The following SCARB1 variants were observed in gnomAD, a reference collection of about 807,000 sequenced individuals.
SCARB1 encodes scavenger receptor class B member 1.
In SCARB1, 30 loss-of-function variants were observed where a neutral mutation model predicts 57.2. The observed-to-expected ratio is 0.52, with a 90% CI of 0.39 to 0.71. The LOEUF (loss-of-function observed/expected upper bound fraction) is 0.71. SCARB1 is among the 30% of genes least tolerant of loss of function. The pLI is 0.00. For missense variants in SCARB1, 543 were observed against 671.2 expected, an observed-to-expected ratio of 0.81 and a Z score of 2.11; for synonymous variants, 249 against 268.3, an observed-to-expected ratio of 0.93 and a Z score of 0.70.
chr12:124,797,079 T>C (rs898497772), intron 8 of SCARB1, among the ~76,000 whole-genome samples: 1 of 152,168 alleles, frequency 6.6e-6, no homozygotes, highest in African/African-American at 2.4e-5. Flanking sequence ...CAAAACACCA[T>C]GGGCACTGAA....
Position 124,815,017 on chromosome 12 carries a change from C to A in SCARB1, c.382G>T (p.Gly128Cys). 1 of 1,614,186 alleles carries A rather than the reference C, an allele frequency of 6.2e-7. No homozygotes were observed. The highest frequency in any genetic ancestry group is 8.5e-7 in the Non-Finnish European group (1 of 1,180,044). Residue 128 changes from glycine (G) to cysteine (C), a missense_variant, in exon 3 of 13, where the codon GGC becomes TGC. Physicochemically the swap from Gly to Cys is radical, Grantham distance 159. Coordinates refer to ENST00000261693, the MANE Select transcript of SCARB1 (RefSeq NM_005505.5). ...TFQFQPSKSH[G>C]SESDYIVMPN... Reference sequence around the variant, plus strand: ...ATGACGATGTAGTCGCTCTCCGAGCCGTGGGACTTGGAGGGCTGGAACTGG... The same window carrying A: ...ATGACGATGTAGTCGCTCTCCGAGCAGTGGGACTTGGAGGGCTGGAACTGG...
chr12:124,786,293 C>T (rs973192286), intron 11 of SCARB1, 64 bp downstream of exon 11: 4 of 1,605,882 alleles, frequency 2.5e-6, no homozygotes, highest in Admixed American at 3.3e-5. Flanking sequence ...CGATCTGAGG[C>T]CCCTTTCCCC....
chr12:124,801,358 C>T (rs531674053), intron 7 of SCARB1, among the ~76,000 whole-genome samples: 12 of 152,238 alleles, frequency 7.9e-5, no homozygotes, highest in Non-Finnish European at 1.5e-5. Context: ...TGTTCTGGAA[C>T]GAGATACAAG....
Position 124,814,481 on chromosome 12 carries a change from A to C in SCARB1, c.427-76T>G. On this transcript the variant is annotated intron_variant, in intron 3 of 12. Coordinates refer to ENST00000261693, the MANE Select transcript of SCARB1 (RefSeq NM_005505.5). The surrounding 1 kb of genome is among the most constrained non-coding windows in gnomAD (Gnocchi z 4.7). ...CCTCCCTTGGCCCCAGCTGGGCCTC[A>C]CAGCAAAGAGCCCATGAAGGGAAAT... 2 of 1,467,044 alleles carry C rather than the reference A, an allele frequency of 1.4e-6. No homozygotes were observed. Among genetic ancestry groups the C allele is most frequent in the Non-Finnish European group, 1.9e-6 (2 of 1,050,802 alleles). 90.9% of individuals were successfully genotyped at this position (1,467,044 alleles called of 1,614,324 possible).
intron 1 of SCARB1, among the ~76,000 whole-genome samples, chr12:124,857,431 C>G (rs1952686394): frequency 6.6e-6 from 1 of 152,322 alleles, no homozygotes; most frequent in East Asian, 1.9e-4. Flanking sequence ...CCGGTGACAT[C>G]CCTGGCTGGC....
At chr12:124,830,065 A>G (rs1951326816) in intron 1 of SCARB1, among the ~76,000 whole-genome samples, 1 of 152,198 alleles carries the variant, frequency 6.6e-6, no homozygotes, top group African/African-American at 2.4e-5. Flanking sequence ...AGATAGGAGA[A>G]AGGATTCCTG....
chr12:124,798,479 T>C (rs1161096380), intron 8 of SCARB1, among the ~76,000 whole-genome samples: 1 of 152,032 alleles, frequency 6.6e-6, no homozygotes, highest in African/African-American at 2.4e-5. Flanking sequence ...GGGGACACTA[T>C]GCGAAGTAAA....
intron 7 of SCARB1, among the ~76,000 whole-genome samples, chr12:124,804,458 C>T (rs1469489885): frequency 1.3e-5 from 2 of 152,222 alleles, no homozygotes; most frequent in Non-Finnish European, 1.5e-5. Flanking sequence ...TTTTTCATTA[C>T]GCAAACCAAG....
intron 12 of SCARB1, among the ~76,000 whole-genome samples, chr12:124,782,376 G>A (rs899560009): frequency 1.3e-5 from 2 of 152,210 alleles, no homozygotes; most frequent in Non-Finnish European, 2.9e-5. Context: ...GGAGTCTATT[G>A]CACAAGAGAT....
At chr12:124,818,242 A>G (rs1380938642) in intron 1 of SCARB1, among the ~76,000 whole-genome samples, 1 of 152,224 alleles carries the variant, frequency 6.6e-6, no homozygotes, top group East Asian at 1.9e-4. Flanking sequence ...AACTCAGGTA[A>G]AACGCATGCC....
At chr12:124,779,817 C>A (rs925387735) in intron 12 of SCARB1, among the ~76,000 whole-genome samples, 1 of 152,062 alleles carries the variant, frequency 6.6e-6, no homozygotes, top group Non-Finnish European at 1.5e-5. Context: ...GTAGGAAAAT[C>A]AAACTCCTGC....
intron 9 of SCARB1, among the ~76,000 whole-genome samples, chr12:124,788,148 G>T (rs1174832591): frequency 6.6e-6 from 1 of 152,136 alleles, no homozygotes; most frequent in African/African-American, 2.4e-5. Context: ...ATTGGCATGG[G>T]CTGAGGGAAC....
In SCARB1 at chr12:124,782,828, C is replaced by T. The variant is rs746211975; in HGVS notation, c.1402-17G>A. 8 of 1,613,776 alleles carry T rather than the reference C, an allele frequency of 5.0e-6. No homozygotes were observed. Among genetic ancestry groups the T allele is most frequent in the Non-Finnish European group, 6.8e-6 (8 of 1,179,820 alleles). On this transcript the variant is annotated splice_polypyrimidine_tract_variant and intron_variant, in intron 11 of 12. Transcript: ENST00000261693. ...GCATTTCTCCTAGAAGATAACCAAG[C>T]TAATTTATAGTTGACGTTGAAGCCA...
intron 7 of SCARB1, among the ~76,000 whole-genome samples, chr12:124,805,543 CATTTT>C (rs1401613320): frequency 6.6e-6 from 1 of 151,994 alleles, no homozygotes; most frequent in Non-Finnish European, 1.5e-5. Flanking sequence ...AGCTGCCAGA[CATTTT>C]AAGAGGACGG....
intron 1 of SCARB1, among the ~76,000 whole-genome samples, chr12:124,843,091 C>T (rs1186862344): frequency 1.3e-5 from 2 of 152,226 alleles, no homozygotes; most frequent in African/African-American, 4.8e-5. Context: ...GTGCTGTGAT[C>T]TTTCCAGAAG....
chr12:124,828,970 C>T (rs1055888954), intron 1 of SCARB1, among the ~76,000 whole-genome samples: 3 of 152,208 alleles, frequency 2.0e-5, no homozygotes, highest in Non-Finnish European at 2.9e-5. Context: ...CCCAGGGCTC[C>T]AGGCATCCCC....
At chr12:124,821,594 T>C in intron 1 of SCARB1, 5 of 964,758 alleles carry the variant, frequency 5.2e-6, no homozygotes, top group Non-Finnish European at 6.2e-6. Flanking sequence ...CCTGTCCAAC[T>C]GGGTGATCAG....
At position 124,795,255 on chromosome 12, in the gene SCARB1, G is replaced by A; in HGVS notation, c.1142C>T (p.Pro381Leu). Residue 381 changes from proline (P) to leucine (L), a missense_variant, in exon 9 of 13, where the codon CCC (proline) becomes CTC (leucine). Coordinates refer to ENST00000261693, the MANE Select transcript of SCARB1 (RefSeq NM_005505.5). The part of the protein sequence containing the change: ...FLDIHPVTGI[P>L]MNCSVKLQLS... ...CTGCAGTTTCACAGAGCAGTTCATG[G>A]GGATTCCCGTGACCTGCGGCAACAA... is the stretch of plus-strand genomic sequence containing the variant. The A allele has an allele frequency of 1.2e-6, 2 of 1,613,912 alleles. No individual in the cohort carries two copies. Among genetic ancestry groups the A allele is most frequent in the Non-Finnish European group, 1.7e-6 (2 of 1,179,860 alleles).
intron 9 of SCARB1, among the ~76,000 whole-genome samples, chr12:124,793,665 C>T (rs1219582682): frequency 7.0e-6 from 1 of 141,976 alleles, no homozygotes; most frequent in African/African-American, 2.8e-5. Flanking sequence ...TGCACTCCAG[C>T]CTGGGCGACA....
Sources: gnomAD v4.1 joint callset for allele counts (sites outside exome capture counted in the v4.1 genomes callset) on GRCh38, gnomAD v4.1.1 for gene constraint, Gnocchi (gnomAD v3.1) non-coding constraint, MANE v1.5 for transcripts, NCBI Gene and HGNC (gene_info 2026-07-23, HGNC 2026-07-21) for gene names.